The following CIAPIN1 variants were observed in gnomAD, a reference collection of about 807,000 sequenced individuals.
CIAPIN1 encodes the protein anamorsin.
CIAPIN1 carries 18 observed loss-of-function variants against 34.3 expected under a neutral mutation model. That is an observed-to-expected ratio of 0.52 (90% CI 0.36 to 0.78). CIAPIN1 has a LOEUF of 0.78. Among genes scored for constraint, CIAPIN1 ranks in the 30% least tolerant of loss-of-function variants. The pLI, the probability that CIAPIN1 is intolerant of heterozygous loss-of-function variation, is 0.00. For synonymous variants in CIAPIN1, 131 were observed against 140.4 expected, an observed-to-expected ratio of 0.93 and a Z score of 0.47; for missense variants, 310 against 372.5, an observed-to-expected ratio of 0.83 and a Z score of 1.38.
intron 6 of CIAPIN1, among the ~76,000 whole-genome samples, chr16:57,431,938 GCC>G (rs1239862935): frequency 2.0e-5 from 3 of 152,224 alleles, no homozygotes; most frequent in African/African-American, 7.2e-5. Context: ...GTTTACACAT[GCC>G]CACAAGAGTT....
chr16:57,438,589 G>C (rs1264288112), intron 3 of CIAPIN1, among the ~76,000 whole-genome samples: 2 of 152,114 alleles, frequency 1.3e-5, no homozygotes, highest in African/African-American at 4.8e-5. Context: ...TGGCAGAAGG[G>C]GGCTATATAG....
At position 57,436,705 on chromosome 16, in the gene CIAPIN1, G is replaced by C. The variant is rs1903208364; in HGVS notation, c.338C>G (p.Ser113Cys). 6.2e-7 allele frequency: 1 copy of C among 1,613,898 alleles called. No homozygotes were observed. Among genetic ancestry groups the C allele is most frequent in the Non-Finnish European group, 8.5e-7 (1 of 1,179,834 alleles). ...VDNNSKVKTA[S>C]KLCSALTLSG... ...AAGAGTCAGGGCTGAACACAGCTTAGATGCTGTCTTCACTTTGCTATTGTT... is the reference window on the plus strand; with the variant it reads ...AAGAGTCAGGGCTGAACACAGCTTACATGCTGTCTTCACTTTGCTATTGTT... The change falls in exon 4 of 9, where the codon TCT becomes TGT. Residue 113 changes from serine (S) to cysteine (C), a missense_variant. Physicochemically the swap from Ser to Cys is moderately radical, Grantham distance 112. Transcript: ENST00000394391.
chr16:57,430,223 G>A (rs899210940), intron 8 of CIAPIN1, 35 bp downstream of exon 8: 12 of 1,579,600 alleles, frequency 7.6e-6, no homozygotes, highest in Non-Finnish European at 9.6e-6. Flanking sequence ...CCCCCTGGGG[G>A]TTTGTGAATG....
rs146662564 is a variant in CIAPIN1, at chr16:57,435,663, G to A, written c.387+993C>T. Among the ~76,000 whole-genome samples the A allele has an allele frequency of 8.4e-3, 1,271 of 152,176 alleles. 7 individuals carry two copies. Among genetic ancestry groups the A allele is most frequent in the Middle Eastern group, 0.01 (3 of 294 alleles). ...CAAAAAATTAGCCAGGTGTGGTGGCGCACGCCTGTAATCCCAGCTACTCGG... is the reference window on the plus strand; with the variant it reads ...CAAAAAATTAGCCAGGTGTGGTGGCACACGCCTGTAATCCCAGCTACTCGG... On this transcript the variant is annotated intron_variant, in intron 4 of 8. Transcript: ENST00000394391.
intron 6 of CIAPIN1, among the ~76,000 whole-genome samples, chr16:57,432,262 G>A (rs113664329): frequency 0.035 from 5,298 of 152,096 alleles, 305 homozygotes; most frequent in African/African-American, 0.12. Flanking sequence ...GCAGTAAGCC[G>A]AGATTGTGCC....
At chr16:57,435,557 C>T (rs1903180492) in intron 4 of CIAPIN1, among the ~76,000 whole-genome samples, 1 of 152,170 alleles carries the variant, frequency 6.6e-6, no homozygotes, top group African/African-American at 2.4e-5. Flanking sequence ...CTTTGGAAGG[C>T]CAAGGTGGGT....
chr16:57,445,545 C>G (rs1470141905), intron 1 of CIAPIN1, among the ~76,000 whole-genome samples: 4 of 152,236 alleles, frequency 2.6e-5, no homozygotes, highest in South Asian at 2.1e-4. Flanking sequence ...ATAAAATTAA[C>G]TAACTGAAGC....
rs185138867 is a variant in CIAPIN1 at position 57,441,157 on chromosome 16, C to A, written c.-55-174G>T. On this transcript the variant is annotated intron_variant, in intron 1 of 8. Coordinates refer to ENST00000394391, the MANE Select transcript of CIAPIN1 (RefSeq NM_020313.4). The stretch of plus-strand genomic sequence containing the variant: ...TTATCTCAAGTCTTCATAAGCCCAA[C>A]ATTCCCAAAGAAGGCAGATAGCTTC... 777 of 348,404 alleles carry A rather than the reference C, an allele frequency of 2.2e-3. 6 individuals are homozygous for A. Among genetic ancestry groups the A allele is most frequent in the Non-Finnish European group, 2.3e-3 (445 of 194,024 alleles). The allele number at this position is 348,404 out of a possible 1,614,324, so 21.6% of individuals were successfully genotyped here.
At chr16:57,432,749 C>G (rs1467498016) in intron 5 of CIAPIN1, among the ~76,000 whole-genome samples, 189 bp from the exon 6 acceptor site, 2 of 152,236 alleles carry the variant, frequency 1.3e-5, no homozygotes, top group Non-Finnish European at 2.9e-5. Context: ...CTGATAGTTA[C>G]AGAAGTCACC....
At chr16:57,430,700 T>C in intron 7 of CIAPIN1, 1 of 272,088 alleles carries the variant, frequency 3.7e-6, no homozygotes, top group Non-Finnish European at 7.1e-6. Context: ...CTGGCAGCTT[T>C]TACATTTAAA....
intron 1 of CIAPIN1, among the ~76,000 whole-genome samples, chr16:57,441,951 A>T (rs1903342426): frequency 6.6e-6 from 1 of 152,250 alleles, no homozygotes; most frequent in African/African-American, 2.4e-5. Flanking sequence ...TTTATGTTGA[A>T]CACTTCAGAC....
intron 3 of CIAPIN1, among the ~76,000 whole-genome samples, chr16:57,437,512 T>TTTATTATTATTATTATTATTATTA (rs145423746): frequency 6.7e-6 from 1 of 150,000 alleles, no homozygotes; most frequent in African/African-American, 2.5e-5. Context: ...GTGATATTAT[T>TTTATTATTATTATTATTATTATTA]TTATTATTAT....
chr16:57,436,580 T>C, intron 4 of CIAPIN1, 76 bp downstream of exon 4: 3 of 1,131,916 alleles, frequency 2.7e-6, no homozygotes, highest in Non-Finnish European at 3.9e-6. Context: ...ATGCACAGCA[T>C]TTCTTGTTTC....
At chr16:57,443,017 C>T (rs1010985392) in intron 1 of CIAPIN1, among the ~76,000 whole-genome samples, 2 of 147,704 alleles carry the variant, frequency 1.4e-5, no homozygotes, top group Non-Finnish European at 3.0e-5. Context: ...TAAGTGTTAT[C>T]AGACAAGTAG....
chr16:57,446,361 A>C (rs1338911042), intron 1 of CIAPIN1, among the ~76,000 whole-genome samples: 1 of 152,168 alleles, frequency 6.6e-6, no homozygotes, highest in African/African-American at 2.4e-5. Context: ...CCTTTGGGGT[A>C]AGTTTTGGCT....
Position 57,429,121 on chromosome 16 carries a change from G to A in CIAPIN1, c.*49C>T, listed in dbSNP as rs747957183. ...GAGGAGCCACCATGGTGGGATGTGA[G>A]GGACAGGAGTTGGCTGGAGGAGCAG... On this transcript the variant is annotated 3_prime_UTR_variant, in exon 9 of 9. Coordinates refer to ENST00000394391, the MANE Select transcript of CIAPIN1 (RefSeq NM_020313.4). The A allele has an allele frequency of 5.4e-6, 7 of 1,290,016 alleles. No homozygotes were observed. In the East Asian group the frequency reaches 1.4e-4, roughly 26 times the overall value. 79.9% of individuals were successfully genotyped at this position (1,290,016 alleles called of 1,614,324 possible).
chr16:57,441,199 A>G (rs1438925737), intron 1 of CIAPIN1: 1 of 262,718 alleles, frequency 3.8e-6, no homozygotes, highest in Non-Finnish European at 7.2e-6. Flanking sequence ...GAGAATCCTG[A>G]CTTGGAAGAG....
At chr16:57,435,766 C>G (rs1445373114) in intron 4 of CIAPIN1, among the ~76,000 whole-genome samples, 1 of 152,070 alleles carries the variant, frequency 6.6e-6, no homozygotes, top group Non-Finnish European at 1.5e-5. Flanking sequence ...TGCACTCCAG[C>G]CTGGGCAACA....
At position 57,429,086 on chromosome 16, in the gene CIAPIN1, G is replaced by A; in HGVS notation, c.*84C>T. Reference sequence around the variant, plus strand: ...ACAGATCTCAGAGTGAACAAATCCAGAGGAGGTGGGAGGAGCCACCATGGT... The same window carrying A: ...ACAGATCTCAGAGTGAACAAATCCAAAGGAGGTGGGAGGAGCCACCATGGT... On this transcript the variant is annotated 3_prime_UTR_variant, in exon 9 of 9. Transcript: ENST00000394391. 1.1e-6 allele frequency: 1 copy of A among 906,098 alleles called. No individual in the cohort carries two copies. The highest frequency in any genetic ancestry group is 1.8e-6 in the Non-Finnish European group (1 of 550,984). 56.1% of individuals were successfully genotyped at this position (906,098 alleles called of 1,614,324 possible). A position where few individuals can be genotyped will look rare whatever the true frequency, so the allele number is the denominator to read the frequency against.
Sources: allele counts gnomAD v4.1 joint callset (sites outside exome capture counted in the v4.1 genomes callset), GRCh38; gene constraint gnomAD v4.1.1; transcripts MANE v1.5; gene names NCBI Gene and HGNC (gene_info 2026-07-23, HGNC 2026-07-21).